The following MINDY4 variants were observed in gnomAD, a reference collection of about 807,000 sequenced individuals.
MINDY4 encodes MINDY lysine 48 deubiquitinase 4.
In MINDY4, 68 loss-of-function variants were observed where a neutral mutation model predicts 87.0. The ratio of observed to expected loss-of-function variants is 0.78; its 90% CI spans 0.64 to 0.96. MINDY4 has a LOEUF of 0.96. MINDY4 is among the 40% of genes least tolerant of loss of function. The pLI, the probability that MINDY4 is intolerant of heterozygous loss-of-function variation, is 0.00. For missense variants in MINDY4, 919 were observed against 928.2 expected (o/e 0.99, Z 0.13); for synonymous variants, 379 against 363.2 (o/e 1.04, Z -0.50).
At chr7:30,781,811 A>G in intron 2 of MINDY4, 166 bp from the exon 3 acceptor site, 2 of 604,908 alleles carry the variant, frequency 3.3e-6, no homozygotes, top group Non-Finnish European at 2.9e-6. Flanking sequence ...CGTACCCAAC[A>G]TAGTACCTGA....
chr7:30,867,304 G>C (rs1789967781), intron 13 of MINDY4, among the ~76,000 whole-genome samples: 1 of 152,150 alleles, frequency 6.6e-6, no homozygotes, highest in African/African-American at 2.4e-5. Flanking sequence ...CTGGGTTCTT[G>C]GCCGTGATAT....
chr7:30,786,270 C>G, intron 4 of MINDY4: 1 of 421,198 alleles, frequency 2.4e-6, no homozygotes, highest in Non-Finnish European at 4.3e-6. Flanking sequence ...AGAATACCTA[C>G]TCAGCTTTGT....
chr7:30,854,651 C>T (rs750769437), intron 12 of MINDY4, among the ~76,000 whole-genome samples: 3 of 152,170 alleles, frequency 2.0e-5, no homozygotes, highest in Non-Finnish European at 2.9e-5. Context: ...GGTGGTAAGC[C>T]GGAGAGTGGG....
intron 13 of MINDY4, among the ~76,000 whole-genome samples, chr7:30,867,787 G>T (rs1789985087): frequency 6.6e-6 from 1 of 152,208 alleles, no homozygotes; most frequent in Non-Finnish European, 1.5e-5. Flanking sequence ...AGGGCCTGGT[G>T]CCCTAGTGGT....
chr7:30,888,766 G>T (rs1790708111), intron 17 of MINDY4, among the ~76,000 whole-genome samples: 1 of 152,184 alleles, frequency 6.6e-6, no homozygotes. Context: ...CTTCCCTCTG[G>T]TGTTTCCAGT....
intron 5 of MINDY4, among the ~76,000 whole-genome samples, chr7:30,807,453 A>G (rs1487540412): frequency 4.6e-5 from 7 of 152,108 alleles, no homozygotes; most frequent in Non-Finnish European, 8.8e-5. Context: ...ACACACTCCT[A>G]GGAGTATATT....
chr7:30,860,088 G>T (rs1401785813), intron 13 of MINDY4, among the ~76,000 whole-genome samples: 1 of 152,184 alleles, frequency 6.6e-6, no homozygotes, highest in Non-Finnish European at 1.5e-5. Context: ...AGCCCTGGGG[G>T]CCTGGAGTCC....
intron 14 of MINDY4, among the ~76,000 whole-genome samples, 155 bp from the exon 15 acceptor site, chr7:30,875,340 G>C (rs1790226009): frequency 6.6e-6 from 1 of 152,206 alleles, no homozygotes; most frequent in African/African-American, 2.4e-5. Context: ...CAGGACTTGT[G>C]GGAGAATTGA....
At chr7:30,840,687 G>A (rs977131187) in intron 8 of MINDY4, 73 bp from the exon 9 acceptor site, 1 of 1,383,982 alleles carries the variant, frequency 7.2e-7, no homozygotes, top group Non-Finnish European at 1.0e-6. Flanking sequence ...GGGTTCTGGG[G>A]TGGGTTTGGG....
At chr7:30,773,010 G>A (rs1387385736) in intron 1 of MINDY4, among the ~76,000 whole-genome samples, 2 of 151,874 alleles carry the variant, frequency 1.3e-5, no homozygotes, top group East Asian at 1.9e-4. Flanking sequence ...ACATGGCCGA[G>A]TTCCCCTGGT....
intron 17 of MINDY4, among the ~76,000 whole-genome samples, chr7:30,886,509 CT>C (rs1377328297): frequency 6.6e-6 from 1 of 152,220 alleles, no homozygotes; most frequent in Non-Finnish European, 1.5e-5. Flanking sequence ...ATCACCTCTT[CT>C]TTTACAGACA....
In MINDY4 at chr7:30,791,156, TC is replaced by T; in HGVS notation, c.664-6del. The T allele has an allele frequency of 1.9e-6, 3 of 1,594,204 alleles. No homozygotes were observed. Among genetic ancestry groups the T allele is most frequent in the Non-Finnish European group, 2.6e-6 (3 of 1,166,474 alleles). ...GGGTCCTCACTGCTTTTGTCCTTAC[TC>T]CCTTTAGGATTCTTTTCACAGACAC... is the stretch of plus-strand genomic sequence containing the variant. On this transcript the variant is annotated splice_region_variant and splice_polypyrimidine_tract_variant and intron_variant, in intron 4 of 17. Transcript: ENST00000265299.
At chr7:30,848,627 A>C (rs1789301060) in intron 9 of MINDY4, among the ~76,000 whole-genome samples, 1 of 152,096 alleles carries the variant, frequency 6.6e-6, no homozygotes, top group Non-Finnish European at 1.5e-5. Flanking sequence ...GGTGGTTTTC[A>C]TAGTGAACCG....
intron 17 of MINDY4, among the ~76,000 whole-genome samples, 174 bp from the exon 18 acceptor site, chr7:30,891,783 A>G (rs956628006): frequency 6.6e-6 from 1 of 152,158 alleles, no homozygotes; most frequent in Non-Finnish European, 1.5e-5. Flanking sequence ...GTGTTTCGTA[A>G]GAGACTGGTG....
intron 6 of MINDY4, among the ~76,000 whole-genome samples, chr7:30,830,453 A>T (rs920003305): frequency 1.3e-5 from 2 of 152,202 alleles, no homozygotes; most frequent in Non-Finnish European, 2.9e-5. Flanking sequence ...AAGAGGTTTA[A>T]TTGACTCACA....
At chr7:30,817,697 A>T (rs1788197291) in intron 5 of MINDY4, among the ~76,000 whole-genome samples, 1 of 151,912 alleles carries the variant, frequency 6.6e-6, no homozygotes. Flanking sequence ...CTCAAAGACA[A>T]CTCCGGCAAA....
chr7:30,816,441 G>A (rs972959891), intron 5 of MINDY4, among the ~76,000 whole-genome samples: 39 of 152,150 alleles, frequency 2.6e-4, no homozygotes, highest in African/African-American at 9.2e-4. Context: ...GTGTGCCAAG[G>A]CCTGTCGGGA....
intron 13 of MINDY4, among the ~76,000 whole-genome samples, chr7:30,865,411 G>A (rs1252647690): frequency 6.6e-6 from 1 of 152,248 alleles, no homozygotes; most frequent in East Asian, 1.9e-4. Context: ...GACAATGGAA[G>A]GTGGACCCAC....
chr7:30,859,113 G>C, intron 12 of MINDY4, 144 bp from the exon 13 acceptor site: 1 of 775,084 alleles, frequency 1.3e-6, no homozygotes, highest in Non-Finnish European at 2.3e-6. Context: ...GTCAGCCTTC[G>C]GGCCACCCAG....
Sources: allele counts gnomAD v4.1 joint callset (sites outside exome capture counted in the v4.1 genomes callset), GRCh38; gene constraint gnomAD v4.1.1; transcripts MANE v1.5; gene names NCBI Gene and HGNC (gene_info 2026-07-23, HGNC 2026-07-21).